Variants in ARHGEF3 observed in about 807,000 individuals in gnomAD.
ARHGEF3 encodes 59.8 kDA protein.
In ARHGEF3, 28 loss-of-function variants were observed where a neutral mutation model predicts 63.2. The observed-to-expected ratio is 0.44, with a 90% CI of 0.33 to 0.61. The LOEUF (loss-of-function observed/expected upper bound fraction) is 0.61. Ranked by LOEUF, ARHGEF3 falls within the 20% of genes least tolerant of loss-of-function variation. The probability of loss-of-function intolerance (pLI) is 0.03; values close to 1 mark genes in which losing one functional copy is unlikely to be tolerated. For synonymous variants in ARHGEF3, 266 were observed against 254.2 expected, an observed-to-expected ratio of 1.05 and a Z score of -0.44; for missense variants, 533 against 659.3, an observed-to-expected ratio of 0.81 and a Z score of 2.10.
At chr3:56,884,807 A>G (rs1276685171) in intron 3 of ARHGEF3, among the ~76,000 whole-genome samples, 1 of 152,184 alleles carries the variant, frequency 6.6e-6, no homozygotes, top group African/African-American at 2.4e-5. Context: ...TGCCAGTGAA[A>G]CCAATTCACC....
At chr3:56,856,129 G>A (rs1483887586) in intron 4 of ARHGEF3, among the ~76,000 whole-genome samples, 1 of 152,158 alleles carries the variant, frequency 6.6e-6, no homozygotes, top group East Asian at 1.9e-4. Flanking sequence ...GTAGGGGTCT[G>A]GACAATCTGA....
chr3:56,841,403 T>G (rs2039303571), intron 4 of ARHGEF3, among the ~76,000 whole-genome samples: 1 of 152,188 alleles, frequency 6.6e-6, no homozygotes, highest in Admixed American at 6.6e-5. Context: ...AGATCTTCCA[T>G]GTCCTCCATT....
chr3:56,996,891 T>TTATTATTA (rs558528711), intron 2 of ARHGEF3, among the ~76,000 whole-genome samples: 1 of 55,874 alleles, frequency 1.8e-5, no homozygotes, highest in Middle Eastern at 0.012. Flanking sequence ...ATTATTATTA[T>TTATTATTA]TTTTTTTTTT....
chr3:56,931,037 G>A (rs2042396868), intron 3 of ARHGEF3, among the ~76,000 whole-genome samples: 1 of 152,158 alleles, frequency 6.6e-6, no homozygotes, highest in Non-Finnish European at 1.5e-5. Context: ...GAATAAGGCA[G>A]CAGGAGGCTT....
Position 56,980,032 on chromosome 3 carries a change from T to C in ARHGEF3, c.63-21143A>G, listed in dbSNP as rs149076543. On this transcript the variant is annotated intron_variant, in intron 2 of 12. Transcript: ENST00000338458. ...GGCAGGTTACCTAACTCTTTGTGCC[T>C]CAGATTCCTCATTTGTGAATTGAGA... is the stretch of plus-strand genomic sequence containing the variant. 2.7e-3 allele frequency among the ~76,000 whole-genome samples: 418 copies of C among 152,240 alleles called. 4 individuals carry two copies. Among genetic ancestry groups the C allele is most frequent in the Middle Eastern group, 0.01 (3 of 294 alleles).
chr3:56,984,694 A>G (rs1701466083), intron 2 of ARHGEF3, among the ~76,000 whole-genome samples: 1 of 152,258 alleles, frequency 6.6e-6, no homozygotes, highest in Admixed American at 6.5e-5. Flanking sequence ...TTAACTGCCA[A>G]CATGAAACTA....
intron 4 of ARHGEF3, among the ~76,000 whole-genome samples, chr3:56,851,171 AC>A (rs1168593580): frequency 6.6e-6 from 1 of 151,664 alleles, no homozygotes; most frequent in East Asian, 1.9e-4. Flanking sequence ...CCTTCTCCCT[AC>A]CCCATTTCTC....
chr3:56,742,366 C>T (rs1270465190), intron 7 of ARHGEF3, among the ~76,000 whole-genome samples: 1 of 152,152 alleles, frequency 6.6e-6, no homozygotes. Flanking sequence ...ACCCTCAAAG[C>T]ATTATTATGA....
intron 3 of ARHGEF3, among the ~76,000 whole-genome samples, chr3:56,904,982 C>T (rs552613855): frequency 3.3e-5 from 5 of 152,266 alleles, no homozygotes; most frequent in East Asian, 1.9e-4. Flanking sequence ...TTTAATACAC[C>T]GAATACTCTG....
intron 3 of ARHGEF3, among the ~76,000 whole-genome samples, chr3:56,899,084 C>T (rs182164970): frequency 7.9e-5 from 12 of 152,092 alleles, no homozygotes; most frequent in African/African-American, 2.9e-4. Context: ...AAAAACACAC[C>T]GCATAATTCT....
chr3:57,051,921 C>T (rs1704687112), intron 1 of ARHGEF3, among the ~76,000 whole-genome samples: 2 of 152,074 alleles, frequency 1.3e-5, no homozygotes, highest in Admixed American at 1.3e-4. Context: ...CAAGATCGTG[C>T]CACTGCACTC....
At chr3:57,002,770 T>G (rs774009701) in intron 2 of ARHGEF3, among the ~76,000 whole-genome samples, 3 of 144,196 alleles carry the variant, frequency 2.1e-5, no homozygotes, top group Admixed American at 6.9e-5. Flanking sequence ...GAAGTTCTAT[T>G]TCTTTTCTTT....
At chr3:56,815,017 G>T (rs575709415) in intron 4 of ARHGEF3, among the ~76,000 whole-genome samples, 2 of 152,024 alleles carry the variant, frequency 1.3e-5, no homozygotes, top group African/African-American at 4.8e-5. Flanking sequence ...AGTGGCATAT[G>T]CCTATGGTGA....
chr3:56,987,962 C>T lies in ARHGEF3; in HGVS notation c.63-29073G>A, dbSNP rs536798938. Among the ~76,000 whole-genome samples the T allele has an allele frequency of 5.9e-5, 9 of 152,176 alleles. No individual in the cohort carries two copies. In the South Asian group the frequency reaches 1.9e-3, roughly 32 times the overall value. On this transcript the variant is annotated intron_variant, in intron 2 of 12. Coordinates refer to the ARHGEF3 transcript ENST00000338458. ...CCTGATGTCCAGAGCATAAATGGGA[C>T]TCCACAAATGGGTGACAGACAGGTA...
chr3:56,737,495 G>T (rs201639196), intron 7 of ARHGEF3, 140 bp from the exon 8 acceptor site: 4 of 470,650 alleles, frequency 8.5e-6, no homozygotes, highest in Non-Finnish European at 1.5e-5. Context: ...TGGGAAAAGA[G>T]AAAAAAAAAA....
intron 3 of ARHGEF3, among the ~76,000 whole-genome samples, chr3:56,888,593 A>G (rs2041002306): frequency 6.6e-6 from 1 of 152,030 alleles, no homozygotes; most frequent in South Asian, 2.1e-4. Context: ...AAAAAACCCT[A>G]CCACTGCTTC....
At chr3:56,832,181 T>C (rs1352245741) in intron 4 of ARHGEF3, among the ~76,000 whole-genome samples, 1 of 152,248 alleles carries the variant, frequency 6.6e-6, no homozygotes, top group Admixed American at 6.5e-5. Flanking sequence ...ATTTCAGATG[T>C]ACCCAGGCCT....
intron 2 of ARHGEF3, among the ~76,000 whole-genome samples, chr3:56,974,281 TGAG>T (rs1216817182): frequency 6.6e-6 from 1 of 152,092 alleles, no homozygotes; most frequent in East Asian, 1.9e-4. Context: ...TGGGAGACAA[TGAG>T]GAATATAATA....
intron 2 of ARHGEF3, among the ~76,000 whole-genome samples, chr3:57,031,520 G>T (rs549716000): frequency 6.6e-6 from 1 of 152,192 alleles, no homozygotes; most frequent in African/African-American, 2.4e-5. Context: ...TAGATTCATG[G>T]GTTTCCACTT....
Sources: gnomAD v4.1 joint callset for allele counts (sites outside exome capture counted in the v4.1 genomes callset) on GRCh38, gnomAD v4.1.1 for gene constraint, MANE v1.5 for transcripts, NCBI Gene and HGNC (gene_info 2026-07-23, HGNC 2026-07-21) for gene names.